Variants in RARB observed in about 807,000 individuals in gnomAD.
RARB encodes retinoic acid receptor beta, also known as HBV-activated protein.
A neutral mutation model predicts 51.9 loss-of-function variants in RARB; 17 were observed. The observed-to-expected ratio is 0.33, with a 90% CI of 0.22 to 0.49. The LOEUF (loss-of-function observed/expected upper bound fraction) is 0.49, where lower values mean the gene tolerates loss of function less well. RARB is among the 20% of genes least tolerant of loss of function. The pLI, the probability that RARB is intolerant of heterozygous loss-of-function variation, is 0.99. For missense variants in RARB, 369 were observed against 550.8 expected (o/e 0.67, Z 3.30); for synonymous variants, 215 against 195.4 (o/e 1.10, Z -0.84).
chr3:24,832,833 C>T (rs1702300461), intron 1 of RARB, among the ~76,000 whole-genome samples: 1 of 151,828 alleles, frequency 6.6e-6, no homozygotes, highest in Non-Finnish European at 1.5e-5. Flanking sequence ...CTCTCTGAAC[C>T]TCAGTTTTCT....
rs531020099 is a variant in RARB, at chr3:25,535,413, T to C, written c.448+34090T>C. Among the ~76,000 whole-genome samples the C allele has an allele frequency of 1.6e-4, 23 of 145,640 alleles. No homozygotes were observed. In the South Asian group the frequency reaches 4.3e-3, roughly 27 times the overall value. On this transcript the variant is annotated intron_variant, in intron 3 of 7. Transcript: ENST00000330688. ...TTCATGTCTCTGTGTCCTTATCTCTTTTTTTTTTTTTTTATGCTTTAGGTT... is the reference window on the plus strand; with the variant it reads ...TTCATGTCTCTGTGTCCTTATCTCTCTTTTTTTTTTTTTATGCTTTAGGTT...
intron 4 of RARB, among the ~76,000 whole-genome samples, chr3:25,147,004 T>C (rs1700204549): frequency 6.6e-6 from 1 of 152,124 alleles, no homozygotes; most frequent in South Asian, 2.1e-4. Context: ...CTCTTGTTAT[T>C]TGGTCGAGGA....
chr3:25,142,390 G>A (rs573280485), intron 4 of RARB, among the ~76,000 whole-genome samples: 1 of 152,088 alleles, frequency 6.6e-6, no homozygotes, highest in African/African-American at 2.4e-5. Flanking sequence ...CATTGAATCA[G>A]GATCTGCATT....
intron 5 of RARB, among the ~76,000 whole-genome samples, chr3:25,291,080 C>T (rs1703774591): frequency 6.6e-6 from 1 of 152,148 alleles, no homozygotes; most frequent in Non-Finnish European, 1.5e-5. Context: ...TCTGAAATCC[C>T]TCAGTTTCCC....
At chr3:24,918,585 A>G (rs1253492293) in intron 2 of RARB, among the ~76,000 whole-genome samples, 2 of 152,210 alleles carry the variant, frequency 1.3e-5, no homozygotes, top group Non-Finnish European at 2.9e-5. Flanking sequence ...CAAATATTGT[A>G]CAAAATTTAG....
At position 25,249,943 on chromosome 3, in the gene RARB, G is replaced by A. The variant is rs192306686; in HGVS notation, c.178+75368G>A. Among the ~76,000 whole-genome samples, 240 of 61,950 alleles carry A rather than the reference G, an allele frequency of 3.9e-3. 1 individual carries two copies. The highest frequency in any genetic ancestry group is 0.038 in the African/African-American group (233 of 6,094). The allele number at this position is 61,950 out of a possible 152,430, so 40.6% of individuals were successfully genotyped here. On this transcript the variant is annotated intron_variant, in intron 5 of 11. Coordinates refer to the RARB transcript ENST00000383772. ...GTTGGGCCAATTATTGGGTCACCAG[G>A]TGGCTTTCTCTGGTGCTGATAGTAA...
At chr3:25,499,293 G>A (rs998662739) in intron 2 of RARB, among the ~76,000 whole-genome samples, 4 of 152,156 alleles carry the variant, frequency 2.6e-5, no homozygotes, top group Non-Finnish European at 5.9e-5. Flanking sequence ...CACATTTGAT[G>A]ATGTGTTTCT....
chr3:25,584,533 C>G (rs894991729), intron 5 of RARB, among the ~76,000 whole-genome samples: 1 of 152,034 alleles, frequency 6.6e-6, no homozygotes. Flanking sequence ...GTGTGTGAGT[C>G]GTGGGGAGCC....
At chr3:25,137,319 A>C (rs1245848103) in intron 4 of RARB, among the ~76,000 whole-genome samples, 1 of 152,044 alleles carries the variant, frequency 6.6e-6, no homozygotes, top group African/African-American at 2.4e-5. Flanking sequence ...ATATTTTAAG[A>C]TATATTTTCA....
chr3:25,227,333 G>A (rs1014895874), intron 5 of RARB, among the ~76,000 whole-genome samples: 93 of 152,266 alleles, frequency 6.1e-4, no homozygotes, highest in African/African-American at 2.2e-3. Flanking sequence ...CCATTCAAAA[G>A]GGGAATTTAT....
chr3:25,453,058 G>A (rs888402337), intron 1 of RARB, among the ~76,000 whole-genome samples: 2 of 152,068 alleles, frequency 1.3e-5, no homozygotes, highest in African/African-American at 4.8e-5. Flanking sequence ...CTGTGCAAAG[G>A]GCAAGTTGAC....
At chr3:24,958,257 T>TTTGTTTTTTG (rs1559411489) in intron 2 of RARB, among the ~76,000 whole-genome samples, 1 of 63,110 alleles carries the variant, frequency 1.6e-5, no homozygotes, top group Non-Finnish European at 2.7e-5. Flanking sequence ...CTGCTCAGGT[T>TTTGTTTTTTG]TTTTTTTTTT....
chr3:25,420,662 T>C (rs1707833035), intron 5 of RARB, among the ~76,000 whole-genome samples: 1 of 152,226 alleles, frequency 6.6e-6, no homozygotes, highest in Non-Finnish European at 1.5e-5. Flanking sequence ...AGCCATACTC[T>C]GCTTCATCAC....
At chr3:25,069,408 T>C (rs1698726006) in intron 3 of RARB, among the ~76,000 whole-genome samples, 1 of 152,172 alleles carries the variant, frequency 6.6e-6, no homozygotes, top group Non-Finnish European at 1.5e-5. Context: ...TCCCAGACAG[T>C]TTGACATTTT....
intron 2 of RARB, among the ~76,000 whole-genome samples, chr3:24,943,380 C>A (rs1425683840): frequency 6.6e-6 from 1 of 152,106 alleles, no homozygotes; most frequent in Non-Finnish European, 1.5e-5. Context: ...AATTTGCGTG[C>A]CTAATTCTCT....
intron 2 of RARB, among the ~76,000 whole-genome samples, chr3:25,020,839 C>T (rs929353457): frequency 1.3e-5 from 2 of 152,042 alleles, no homozygotes; most frequent in Non-Finnish European, 2.9e-5. Flanking sequence ...CGTGGTGGCA[C>T]GTTGCTGTAA....
At chr3:24,924,273 GA>G (rs1272384185) in intron 2 of RARB, among the ~76,000 whole-genome samples, 3 of 152,116 alleles carry the variant, frequency 2.0e-5, no homozygotes, top group African/African-American at 7.2e-5. Flanking sequence ...TCATTCAAAT[GA>G]ATTTCTATAT....
chr3:24,979,999 A>G (rs1435394127), intron 2 of RARB, among the ~76,000 whole-genome samples: 1 of 151,692 alleles, frequency 6.6e-6, no homozygotes, highest in Non-Finnish European at 1.5e-5. Context: ...CCTTGTCTGT[A>G]AAGGATTTTA....
At chr3:25,104,903 G>C (rs1448280794) in intron 3 of RARB, among the ~76,000 whole-genome samples, 6 of 152,124 alleles carry the variant, frequency 3.9e-5, no homozygotes. Context: ...AGAAGTTGGG[G>C]GAGTGGAGGT....
Sources: gnomAD v4.1 joint callset for allele counts (sites outside exome capture counted in the v4.1 genomes callset) on GRCh38, gnomAD v4.1.1 for gene constraint, MANE v1.5 for transcripts, NCBI Gene and HGNC (gene_info 2026-07-23, HGNC 2026-07-21) for gene names.